The following OPCML variants were observed in gnomAD, a reference collection of about 807,000 sequenced individuals.
OPCML encodes the protein opioid binding protein/cell adhesion molecule like, also known as opioid-binding protein/cell adhesion molecule.
In OPCML, 13 loss-of-function variants were observed where a neutral mutation model predicts 37.8. The observed-to-expected ratio is 0.34, with a 90% confidence interval of 0.22 to 0.55. OPCML has a LOEUF of 0.55. Among genes scored for constraint, OPCML ranks in the 20% least tolerant of loss-of-function variants. The pLI, the probability that OPCML is intolerant of heterozygous loss-of-function variation, is 0.91. For synonymous variants in OPCML, 176 were observed against 168.8 expected (o/e 1.04, Z -0.33); for missense variants, 341 against 435.6 (o/e 0.78, Z 1.93).
chr11:133,373,080 A>C lies in OPCML; in HGVS notation c.61+159184T>G, dbSNP rs75522127. Among the ~76,000 whole-genome samples, 107 of 152,316 alleles carry C rather than the reference A, an allele frequency of 7.0e-4. 3 individuals carry two copies. In the East Asian group the frequency reaches 0.018, roughly 26 times the overall value. ...AAAAGACAAAGAAAAAAATTAATAC[A>C]GTGCAATATAGTCATGCTTCATTTC... On this transcript the variant is annotated intron_variant, in intron 1 of 7. Coordinates refer to ENST00000524381, the MANE Select transcript of OPCML (RefSeq NM_001012393.5).
intron 1 of OPCML, among the ~76,000 whole-genome samples, chr11:133,528,590 T>G (rs1948537208): frequency 6.6e-6 from 1 of 152,064 alleles, no homozygotes; most frequent in Non-Finnish European, 1.5e-5. Flanking sequence ...GCCCAGAAAC[T>G]CAAGATTTGG....
chr11:133,115,468 G>C (rs1949317958), intron 1 of OPCML, among the ~76,000 whole-genome samples: 1 of 152,068 alleles, frequency 6.6e-6, no homozygotes, highest in African/African-American at 2.4e-5. Context: ...GAAGAAAACA[G>C]GTCTATCTGA....
At chr11:132,840,654 C>T (rs1450811749) in intron 2 of OPCML, among the ~76,000 whole-genome samples, 2 of 152,182 alleles carry the variant, frequency 1.3e-5, no homozygotes, top group Admixed American at 1.3e-4. Flanking sequence ...CACAAGGTTG[C>T]TCAATCCGAA....
At chr11:132,561,434 C>T (rs947024817) in intron 3 of OPCML, among the ~76,000 whole-genome samples, 3 of 152,328 alleles carry the variant, frequency 2.0e-5, no homozygotes, top group African/African-American at 7.2e-5. Flanking sequence ...GACTCATCAG[C>T]TGCTCTGCTC....
At chr11:132,724,975 C>T (rs1447416089) in intron 2 of OPCML, among the ~76,000 whole-genome samples, 3 of 152,194 alleles carry the variant, frequency 2.0e-5, no homozygotes, top group African/African-American at 7.2e-5. Context: ...CTCCCAGCCA[C>T]TTTCATGGGC....
intron 4 of OPCML, among the ~76,000 whole-genome samples, chr11:132,495,182 A>C (rs1235380950): frequency 6.6e-6 from 1 of 152,212 alleles, no homozygotes. Context: ...TTACCCAAAA[A>C]ACATTTATTG....
intron 3 of OPCML, among the ~76,000 whole-genome samples, chr11:132,599,585 C>T (rs1358420770): frequency 6.6e-6 from 1 of 152,130 alleles, no homozygotes; most frequent in Non-Finnish European, 1.5e-5. Flanking sequence ...CATTTTCTGA[C>T]AGGCTTTGGT....
chr11:133,510,897 A>ACACATG (rs771574092), intron 1 of OPCML, among the ~76,000 whole-genome samples: 5,939 of 150,078 alleles, frequency 0.04, 393 homozygotes, highest in African/African-American at 0.14. Flanking sequence ...ACACACACAC[A>ACACATG]CACACGCACA....
intron 2 of OPCML, among the ~76,000 whole-genome samples, chr11:132,770,101 A>C (rs140148913): frequency 4.3e-4 from 65 of 152,262 alleles, no homozygotes; most frequent in Non-Finnish European, 8.4e-4. Context: ...GGAAAGAAAA[A>C]AAATAAGAAT....
intron 2 of OPCML, among the ~76,000 whole-genome samples, chr11:132,848,674 T>C (rs188003873): frequency 2.6e-5 from 4 of 152,358 alleles, no homozygotes; most frequent in Admixed American, 1.3e-4. Flanking sequence ...AGCCTGACAT[T>C]ACACCTTTCC....
intron 2 of OPCML, among the ~76,000 whole-genome samples, chr11:132,839,092 C>T (rs1941171373): frequency 6.6e-6 from 1 of 152,230 alleles, no homozygotes; most frequent in Non-Finnish European, 1.5e-5. Flanking sequence ...ACCGCATTTT[C>T]CTCAACAGAA....
chr11:132,888,617 TG>T (rs1354752535), intron 2 of OPCML, among the ~76,000 whole-genome samples: 1 of 152,176 alleles, frequency 6.6e-6, no homozygotes, highest in African/African-American at 2.4e-5. Context: ...AAATGAAAGT[TG>T]TCTGTATTGT....
intron 4 of OPCML, among the ~76,000 whole-genome samples, chr11:132,515,145 C>T (rs1939971): frequency 0.21 from 31,429 of 151,900 alleles, 3,320 homozygotes; most frequent in Non-Finnish European, 0.23. Context: ...ATATCAATGA[C>T]TTTACTAAAT....
intron 1 of OPCML, among the ~76,000 whole-genome samples, chr11:133,526,355 C>T (rs925769528): frequency 6.6e-6 from 1 of 152,114 alleles, no homozygotes; most frequent in Non-Finnish European, 1.5e-5. Flanking sequence ...GACTTGCTTT[C>T]CTTAAAGAGC....
chr11:132,420,020 C>A lies in OPCML; in HGVS notation c.*173G>T, dbSNP rs2095952156. ...TGCCCACCCCGCCCCCAACCCCACT[C>A]ATTCAAGCTGGAAATAAAAGCAAAC... On this transcript the variant is annotated 3_prime_UTR_variant, in exon 8 of 8. Transcript: ENST00000524381. 5.7e-6 allele frequency: 2 copies of A among 349,146 alleles called. No individual in the cohort carries two copies. Among genetic ancestry groups the A allele is most frequent in the Non-Finnish European group, 1.1e-5 (2 of 179,296 alleles). The allele number at this position is 349,146 out of a possible 1,614,324, so 21.6% of individuals were successfully genotyped here. A position where few individuals can be genotyped will look rare whatever the true frequency, so the allele number is the denominator to read the frequency against.
intron 1 of OPCML, among the ~76,000 whole-genome samples, chr11:133,151,002 C>CG (rs991902309): frequency 1.3e-5 from 2 of 151,914 alleles, no homozygotes; most frequent in African/African-American, 4.8e-5. Context: ...CGGCCAGGTG[C>CG]GGTGGCTCAT....
intron 2 of OPCML, among the ~76,000 whole-genome samples, chr11:132,736,157 A>G (rs924256275): frequency 6.6e-6 from 1 of 152,132 alleles, no homozygotes; most frequent in Non-Finnish European, 1.5e-5. Context: ...CTGTCCTTCT[A>G]TGACATGTTG....
chr11:132,718,223 T>C (rs985406872), intron 2 of OPCML, among the ~76,000 whole-genome samples: 3 of 152,134 alleles, frequency 2.0e-5, no homozygotes, highest in African/African-American at 7.2e-5. Context: ...CTCCTCGAGC[T>C]CAAGCCGTGG....
chr11:132,937,845 C>A (rs115289177), intron 2 of OPCML, among the ~76,000 whole-genome samples: 3,453 of 152,008 alleles, frequency 0.023, 45 homozygotes, highest in South Asian at 0.055. Context: ...AAATGTGCTC[C>A]TCTACTGCTT....
Sources: gnomAD v4.1 joint callset for allele counts (sites outside exome capture counted in the v4.1 genomes callset) on GRCh38, gnomAD v4.1.1 for gene constraint, MANE v1.5 for transcripts, NCBI Gene and HGNC (gene_info 2026-07-23, HGNC 2026-07-21) for gene names.